The following PHF10 variants were observed in gnomAD, a reference collection of about 807,000 sequenced individuals.
PHF10 encodes BRG1-associated factor 45a.
Under a neutral mutation model 68.5 loss-of-function variants are expected in PHF10, and 51 were observed. That is an observed-to-expected ratio of 0.74 (90% CI 0.59 to 0.94). The LOEUF is 0.94. Ranked by LOEUF, PHF10 falls within the 40% of genes least tolerant of loss-of-function variation. The probability of loss-of-function intolerance (pLI) is 0.00; values close to 1 mark genes in which losing one functional copy is unlikely to be tolerated. For missense variants in PHF10, 460 were observed against 602.6 expected (o/e 0.76, Z 2.48); for synonymous variants, 204 against 203.5 (o/e 1.00, Z -0.02).
chr6:169,717,967 T>C, intron 3 of PHF10, 61 bp from the exon 4 acceptor site: 1 of 718,290 alleles, frequency 1.4e-6, no homozygotes, highest in Non-Finnish European at 2.3e-6. Flanking sequence ...TTGTAAAACT[T>C]TTAAAAGCTT....
chr6:169,721,472 C>T (rs138342779), intron 1 of PHF10, among the ~76,000 whole-genome samples: 1 of 152,220 alleles, frequency 6.6e-6, no homozygotes, highest in Non-Finnish European at 1.5e-5. Flanking sequence ...AACTTGAAGC[C>T]GGTTCATAGG....
rs759442715 is a variant in PHF10, at chr6:169,705,159, C to T, written c.1385G>A (p.Cys462Tyr). ...DMCDRGYHTF[C>Y]VGLGAIPSGR... ...TGATGGAATAGCACCAAGGCCCACA[C>T]AAAAAGTATGATAACCTCTGTCACA... Residue 462 changes from cysteine to tyrosine, a missense_variant, in exon 11 of 12, where the codon TGT becomes TAT. By Grantham distance (194) the Cys-to-Tyr change is radical (BLOSUM62 -2). This residue lies in a region of PHF10 where 111 missense variants were observed against 109.7 expected (regional missense o/e 1.01). Transcript: ENST00000339209. 3.1e-6 allele frequency: 5 copies of T among 1,610,172 alleles called. No individual in the cohort carries two copies. The highest frequency in any genetic ancestry group is 4.2e-6 in the Non-Finnish European group (5 of 1,178,226).
rs552602399 is a variant in PHF10, at chr6:169,706,709, G to C, written c.1114-985C>G. Among the ~76,000 whole-genome samples the C allele has an allele frequency of 5.7e-5, 8 of 140,274 alleles. No homozygotes were observed. The East Asian group carries it at 1.4e-3, about 25-fold the overall frequency. The allele number at this position is 140,274 out of a possible 152,430, so 92.0% of individuals were successfully genotyped here. A position where few individuals can be genotyped will look rare whatever the true frequency, so the allele number is the denominator to read the frequency against. On this transcript the variant is annotated intron_variant, in intron 9 of 11. Coordinates refer to ENST00000339209, the MANE Select transcript of PHF10 (RefSeq NM_018288.4). ...TGGGCCAAGAATGAAATGGGGTAAG[G>C]GGACATACATACATACATACACACA...
chr6:169,718,999 C>G, intron 2 of PHF10, 81 bp from the exon 3 acceptor site: 1 of 947,630 alleles, frequency 1.1e-6, no homozygotes, highest in Non-Finnish European at 1.6e-6. Flanking sequence ...ATTTTGAAAA[C>G]TATTTTAAGT....
intron 1 of PHF10, among the ~76,000 whole-genome samples, chr6:169,722,184 A>T (rs191651297): frequency 5.9e-5 from 9 of 152,368 alleles, no homozygotes; most frequent in Non-Finnish European, 1.3e-4. Flanking sequence ...TTATGATGAT[A>T]ATAAAGTCTC....
At chr6:169,720,878 A>G (rs1021770190) in intron 2 of PHF10, 127 bp downstream of exon 2, 2 of 595,350 alleles carry the variant, frequency 3.4e-6, no homozygotes, top group African/African-American at 3.7e-5. Context: ...GGCACATTAT[A>G]GAACAGGAAG....
Position 169,703,951 on chromosome 6 carries a change from G to A in PHF10, c.*52C>T, listed in dbSNP as rs1395739773. 1.5e-6 allele frequency: 2 copies of A among 1,343,774 alleles called. No homozygotes were observed. Among genetic ancestry groups the A allele is most frequent in the East Asian group, 2.6e-5 (1 of 38,178 alleles). 83.2% of individuals were successfully genotyped at this position (1,343,774 alleles called of 1,614,324 possible). A position where few individuals can be genotyped will look rare whatever the true frequency, so the allele number is the denominator to read the frequency against. On this transcript the variant is annotated 3_prime_UTR_variant, in exon 12 of 12. Coordinates refer to ENST00000339209, the MANE Select transcript of PHF10 (RefSeq NM_018288.4). ...TGGCATGAAAATAATGTTGTAAATGGCACCAAATATTCCACTTAAATGCAT... is the reference window on the plus strand; with the variant it reads ...TGGCATGAAAATAATGTTGTAAATGACACCAAATATTCCACTTAAATGCAT...
Position 169,705,336 on chromosome 6 carries a change from G to T in PHF10, c.1223-15C>A. ...AGAAGGATGGCCTAAATCAAAACCA[G>T]TATTAGTGGTATCTCACATAAGAAA... On this transcript the variant is annotated splice_polypyrimidine_tract_variant and intron_variant, in intron 10 of 11. Coordinates refer to ENST00000339209, the MANE Select transcript of PHF10 (RefSeq NM_018288.4). The T allele has an allele frequency of 6.4e-7, 1 of 1,551,692 alleles. No homozygotes were observed. Among genetic ancestry groups the T allele is most frequent in the Non-Finnish European group, 8.8e-7 (1 of 1,138,960 alleles).
At chr6:169,704,292 G>A (rs547106990) in intron 11 of PHF10, 1 of 510,504 alleles carries the variant, frequency 2.0e-6, no homozygotes, top group African/African-American at 2.0e-5. Context: ...TTCATTGCAA[G>A]TCAAGGGGGA....
At position 169,705,338 on chromosome 6, in the gene PHF10, A is replaced by G. The variant is rs546046113; in HGVS notation, c.1223-17T>C. 3.3e-5 allele frequency: 52 copies of G among 1,557,466 alleles called. No individual in the cohort carries two copies. In the East Asian group the frequency reaches 1.0e-3, roughly 31 times the overall value. ...AAGGATGGCCTAAATCAAAACCAGT[A>G]TTAGTGGTATCTCACATAAGAAATT... On this transcript the variant is annotated splice_polypyrimidine_tract_variant and intron_variant, in intron 10 of 11. Transcript: ENST00000339209.
chr6:169,723,603 G>A (rs1012019698), intron 1 of PHF10, among the ~76,000 whole-genome samples: 3 of 152,138 alleles, frequency 2.0e-5, no homozygotes, highest in African/African-American at 4.8e-5. Context: ...GTCAAGCAGG[G>A]CCGGCTGCCA....
At chr6:169,722,049 G>A (rs1789191764) in intron 1 of PHF10, among the ~76,000 whole-genome samples, 1 of 152,116 alleles carries the variant, frequency 6.6e-6, no homozygotes, top group Non-Finnish European at 1.5e-5. Context: ...CTCCTTATCC[G>A]AAAATTTGAG....
chr6:169,718,992 T>A, intron 2 of PHF10, 74 bp from the exon 3 acceptor site: 1 of 997,292 alleles, frequency 1.0e-6, no homozygotes, highest in Non-Finnish European at 1.5e-6. Flanking sequence ...TGAGGATATT[T>A]TGAAAACTAT....
chr6:169,723,685 C>T (rs1370022002), intron 1 of PHF10, among the ~76,000 whole-genome samples, 160 bp downstream of exon 1: 2 of 151,832 alleles, frequency 1.3e-5, no homozygotes, highest in East Asian at 3.9e-4. Context: ...GGGCTCACCT[C>T]GGGGCCCCGC....
Position 169,721,121 on chromosome 6 carries a change from T to A in PHF10, c.88-10A>T. 1.5e-6 allele frequency: 2 copies of A among 1,363,852 alleles called. No individual in the cohort carries two copies. Among genetic ancestry groups the A allele is most frequent in the Non-Finnish European group, 2.0e-6 (2 of 981,132 alleles). The allele number at this position is 1,363,852 out of a possible 1,614,324, so 84.5% of individuals were successfully genotyped here. Reference sequence around the variant, plus strand: ...TATCTTCATTATCATCCTATACATTTAAAAGATTCAAAAATAATAATTAGA... The same window carrying A: ...TATCTTCATTATCATCCTATACATTAAAAAGATTCAAAAATAATAATTAGA... On this transcript the variant is annotated splice_polypyrimidine_tract_variant and intron_variant, in intron 1 of 11. Coordinates refer to ENST00000339209, the MANE Select transcript of PHF10 (RefSeq NM_018288.4).
intron 9 of PHF10, chr6:169,709,194 T>A (rs1190451366): frequency 6.6e-6 from 1 of 152,156 alleles, no homozygotes; most frequent in Non-Finnish European, 1.5e-5. Context: ...TTAGAACGTG[T>A]TCTAGTTAGT....
intron 11 of PHF10, 164 bp downstream of exon 11, chr6:169,704,969 G>T (rs1000023966): frequency 2.1e-6 from 1 of 476,978 alleles, no homozygotes; most frequent in Non-Finnish European, 3.8e-6. Context: ...ATTGTCTAGG[G>T]ATGAAAAGCT....
rs534773538 is a variant in PHF10 at position 169,717,427 on chromosome 6, G to T, written c.409+396C>A. Among the ~76,000 whole-genome samples the T allele has an allele frequency of 3.3e-5, 5 of 152,178 alleles. No individual in the cohort carries two copies. In the East Asian group the frequency reaches 9.6e-4, roughly 29 times the overall value. On this transcript the variant is annotated intron_variant, in intron 4 of 11. Transcript: ENST00000339209. ...GCTTACCCTAGCCTAACTTAAACAT[G>T]CTCAGAAAACTTACATTAGCCTACA... is the stretch of plus-strand genomic sequence containing the variant.
chr6:169,715,356 A>G (rs1016419098), intron 6 of PHF10, among the ~76,000 whole-genome samples: 19 of 152,210 alleles, frequency 1.2e-4, no homozygotes, highest in Non-Finnish European at 2.4e-4. Context: ...GGAAAAAAAG[A>G]ACACGCAGGT....
Sources: allele counts gnomAD v4.1 joint callset (sites outside exome capture counted in the v4.1 genomes callset), GRCh38; gene constraint gnomAD v4.1.1; regional missense constraint gnomAD v4.1.1; transcripts MANE v1.5; gene names NCBI Gene and HGNC (gene_info 2026-07-23, HGNC 2026-07-21).